The following PHLPP1 variants were observed in gnomAD, a reference collection of about 807,000 sequenced individuals.
PHLPP1 encodes the protein PH domain and leucine rich repeat protein phosphatase 1, also known as PH domain leucine-rich repeat-containing protein phosphatase 1.
Under a neutral mutation model 117.2 loss-of-function variants are expected in PHLPP1, and 42 were observed. The observed-to-expected ratio is 0.36, with a 90% CI of 0.28 to 0.46. The LOEUF (loss-of-function observed/expected upper bound fraction) is 0.46. Ranked by LOEUF, PHLPP1 falls within the 20% of genes least tolerant of loss-of-function variation. PHLPP1 has a pLI of 1.00. For synonymous variants in PHLPP1, 1,042 were observed against 970.7 expected (o/e 1.07, Z -1.37); for missense variants, 2,084 against 2,241.9 (o/e 0.93, Z 1.42).
At chr18:62,757,039 G>A (rs553033525) in intron 1 of PHLPP1, among the ~76,000 whole-genome samples, 5 of 152,332 alleles carry the variant, frequency 3.3e-5, no homozygotes, top group Non-Finnish European at 7.4e-5. Flanking sequence ...ACATAAAAGA[G>A]AGACTTGAGT....
intron 4 of PHLPP1, among the ~76,000 whole-genome samples, chr18:62,862,641 G>A (rs867799905): frequency 1.2e-4 from 19 of 152,218 alleles, no homozygotes; most frequent in Middle Eastern, 6.8e-3. Flanking sequence ...TATAAATAGC[G>A]ACTGGTTTGG....
At chr18:62,882,946 T>TAAAAAAAAAAAAAAA (rs35265223) in intron 4 of PHLPP1, among the ~76,000 whole-genome samples, 1 of 121,510 alleles carries the variant, frequency 8.2e-6, no homozygotes, top group Non-Finnish European at 1.7e-5. Context: ...GACCACATCT[T>TAAAAAAAAAAAAAAA]AAAAAAAAAA....
At chr18:62,772,268 A>G (rs1599039560) in intron 1 of PHLPP1, among the ~76,000 whole-genome samples, 1 of 152,224 alleles carries the variant, frequency 6.6e-6, no homozygotes, top group East Asian at 1.9e-4. Context: ...AAGGATGATA[A>G]TATAATAGTA....
intron 10 of PHLPP1, among the ~76,000 whole-genome samples, chr18:62,924,964 A>G (rs1909581163): frequency 6.6e-6 from 1 of 152,036 alleles, no homozygotes; most frequent in East Asian, 1.9e-4. Flanking sequence ...GACAACTTTT[A>G]GTTATCTTCA....
At chr18:62,885,476 A>G (rs1356840895) in intron 4 of PHLPP1, among the ~76,000 whole-genome samples, 1 of 152,186 alleles carries the variant, frequency 6.6e-6, no homozygotes, top group African/African-American at 2.4e-5. Context: ...CCTGGCCAAT[A>G]TGGTGAAACC....
chr18:62,979,469 A>T lies in PHLPP1; in HGVS notation c.*38A>T. ...GTTTAACAAATAAACTAACCACAAA[A>T]GACTGAGTTGCAAGAGTCTCCCAGG... On this transcript the variant is annotated 3_prime_UTR_variant, in exon 17 of 17. Transcript: ENST00000262719. The T allele has an allele frequency of 6.5e-7, 1 of 1,535,584 alleles. No individual in the cohort carries two copies. Among genetic ancestry groups the T allele is most frequent in the South Asian group, 1.2e-5 (1 of 81,696 alleles).
intron 1 of PHLPP1, among the ~76,000 whole-genome samples, chr18:62,728,142 A>C (rs1364768684): frequency 6.6e-6 from 1 of 151,950 alleles, no homozygotes; most frequent in East Asian, 1.9e-4. Flanking sequence ...TAAAAATACA[A>C]AAATTAGCTG....
At chr18:62,813,732 G>GT (rs1385587931) in intron 1 of PHLPP1, among the ~76,000 whole-genome samples, 1 of 152,134 alleles carries the variant, frequency 6.6e-6, no homozygotes, top group African/African-American at 2.4e-5. Flanking sequence ...CTCAATCTCT[G>GT]TTTTAGCAAG....
intron 1 of PHLPP1, among the ~76,000 whole-genome samples, chr18:62,750,494 C>G (rs920951378): frequency 2.0e-5 from 3 of 152,120 alleles, no homozygotes; most frequent in African/African-American, 7.2e-5. Context: ...AAAGAAAAAG[C>G]CTTTACAGTC....
chr18:62,951,202 C>T (rs1194041787), intron 12 of PHLPP1, among the ~76,000 whole-genome samples: 1 of 152,136 alleles, frequency 6.6e-6, no homozygotes, highest in African/African-American at 2.4e-5. Context: ...AGGATGGTCT[C>T]AACCTCCTGA....
intron 1 of PHLPP1, among the ~76,000 whole-genome samples, chr18:62,763,667 C>T (rs1346633525): frequency 6.6e-6 from 1 of 152,110 alleles, no homozygotes; most frequent in Non-Finnish European, 1.5e-5. Context: ...TCAGTCAGTC[C>T]ATGGTGCTGT....
intron 4 of PHLPP1, among the ~76,000 whole-genome samples, chr18:62,892,010 T>C (rs552599677): frequency 8.0e-5 from 12 of 150,802 alleles, no homozygotes; most frequent in African/African-American, 2.9e-4. Context: ...GAAAAAACAG[T>C]TTTTCAAAAC....
intron 1 of PHLPP1, among the ~76,000 whole-genome samples, chr18:62,782,055 C>G (rs1363147265): frequency 1.3e-5 from 2 of 152,166 alleles, no homozygotes; most frequent in East Asian, 3.8e-4. Flanking sequence ...CTCTGTTGTC[C>G]TAAGTCCTAT....
At chr18:62,834,223 A>G (rs556146528) in intron 2 of PHLPP1, among the ~76,000 whole-genome samples, 2 of 152,078 alleles carry the variant, frequency 1.3e-5, no homozygotes, top group South Asian at 4.2e-4. Context: ...AGCATCATTC[A>G]TGGGCCTTGT....
chr18:62,736,503 G>T (rs1164932630), intron 1 of PHLPP1, among the ~76,000 whole-genome samples: 1 of 152,164 alleles, frequency 6.6e-6, no homozygotes. Flanking sequence ...GTTTACAGTT[G>T]GGTGATGGAA....
chr18:62,782,729 CCTATAAATT>C, intron 1 of PHLPP1, among the ~76,000 whole-genome samples: 1 of 152,202 alleles, frequency 6.6e-6, no homozygotes, highest in South Asian at 2.1e-4. Flanking sequence ...AATCTCCTAT[CCTATAAATT>C]CTTACCTGTA....
chr18:62,743,654 T>C (rs1479722176), intron 1 of PHLPP1, among the ~76,000 whole-genome samples: 1 of 152,222 alleles, frequency 6.6e-6, no homozygotes, highest in African/African-American at 2.4e-5. Context: ...CTTACATTTT[T>C]GGTTTGAATT....
chr18:62,763,354 C>T (rs772794201), intron 1 of PHLPP1, among the ~76,000 whole-genome samples: 41 of 152,154 alleles, frequency 2.7e-4, no homozygotes, highest in Non-Finnish European at 5.3e-4. Context: ...GGAAGCAGGG[C>T]GCTACCAAAA....
At chr18:62,912,660 C>T (rs1171622340) in intron 8 of PHLPP1, among the ~76,000 whole-genome samples, 2 of 152,108 alleles carry the variant, frequency 1.3e-5, no homozygotes, top group African/African-American at 2.4e-5. Flanking sequence ...CGCTCTGTTG[C>T]CTAGGCTGGA....
Sources: allele counts gnomAD v4.1 joint callset (sites outside exome capture counted in the v4.1 genomes callset), GRCh38; gene constraint gnomAD v4.1.1; transcripts MANE v1.5; gene names NCBI Gene and HGNC (gene_info 2026-07-23, HGNC 2026-07-21).